Variants in PRKRIP1 observed in about 807,000 individuals in gnomAD.
The protein encoded by PRKRIP1 is PRKR interacting protein 1.
PRKRIP1 carries 29 observed loss-of-function variants against 29.3 expected under a neutral mutation model. The ratio of observed to expected loss-of-function variants is 0.99; its 90% CI spans 0.74 to 1.35. The LOEUF (loss-of-function observed/expected upper bound fraction) is 1.35. Ranked by LOEUF, PRKRIP1 falls within the 40% of genes most tolerant of loss-of-function variation. The probability of loss-of-function intolerance (pLI) is 0.00; values close to 1 mark genes in which losing one functional copy is unlikely to be tolerated. For missense variants in PRKRIP1, 247 were observed against 236.8 expected, an observed-to-expected ratio of 1.04 and a Z score of -0.28; for synonymous variants, 90 against 85.1, an observed-to-expected ratio of 1.06 and a Z score of -0.32.
At chr7:102,424,961 C>T in intron 5 of PRKRIP1, 53 bp from the exon 6 acceptor site, 2 of 1,578,800 alleles carry the variant, frequency 1.3e-6, no homozygotes, top group Non-Finnish European at 8.6e-7. Flanking sequence ...TGAAAGCACC[C>T]TTGACCCTGA....
chr7:102,409,324 G>C (rs1178397878), intron 5 of PRKRIP1, among the ~76,000 whole-genome samples: 1 of 152,162 alleles, frequency 6.6e-6, no homozygotes, highest in Non-Finnish European at 1.5e-5. Flanking sequence ...AAATGTGACT[G>C]ATAGGACCTC....
intron 2 of PRKRIP1, among the ~76,000 whole-genome samples, chr7:102,399,017 G>A (rs1795995248): frequency 6.6e-6 from 1 of 152,168 alleles, no homozygotes; most frequent in South Asian, 2.1e-4. Context: ...AGCTACTTGG[G>A]AAGCTGAGGC....
intron 5 of PRKRIP1, among the ~76,000 whole-genome samples, chr7:102,422,095 C>A (rs1460157740): frequency 6.6e-6 from 1 of 151,088 alleles, no homozygotes; most frequent in African/African-American, 2.4e-5. Flanking sequence ...GAGATAGACG[C>A]CTTTGCTTTC....
At chr7:102,422,034 CAG>C (rs1223170010) in intron 5 of PRKRIP1, among the ~76,000 whole-genome samples, 4 of 152,020 alleles carry the variant, frequency 2.6e-5, no homozygotes, top group African/African-American at 9.7e-5. Context: ...GTAGCAAATT[CAG>C]AGTCAGAAAT....
intron 1 of PRKRIP1, 101 bp from the exon 2 acceptor site, chr7:102,397,519 C>G (rs1586671392): frequency 1.1e-6 from 1 of 948,670 alleles, no homozygotes; most frequent in East Asian, 2.5e-5. Flanking sequence ...GCACTCCAGC[C>G]TGAGGAACAG....
intron 5 of PRKRIP1, among the ~76,000 whole-genome samples, chr7:102,410,766 T>C (rs1192259735): frequency 6.6e-6 from 1 of 152,216 alleles, no homozygotes; most frequent in Non-Finnish European, 1.5e-5. Context: ...GCCCTTACTC[T>C]TCCATTCATC....
At chr7:102,409,759 G>A (rs537803790) in intron 5 of PRKRIP1, among the ~76,000 whole-genome samples, 17 of 152,188 alleles carry the variant, frequency 1.1e-4, no homozygotes, top group African/African-American at 3.9e-4. Flanking sequence ...AGGAGGTCAA[G>A]GCTGCAGTGA....
chr7:102,407,806 G>T (rs2133179664), intron 5 of PRKRIP1, among the ~76,000 whole-genome samples: 1 of 152,262 alleles, frequency 6.6e-6, no homozygotes, highest in Non-Finnish European at 1.5e-5. Flanking sequence ...CCTGTCCTCA[G>T]GCTCACACTC....
At position 102,406,549 on chromosome 7, in the gene PRKRIP1, G is replaced by A. The variant is rs555614314; in HGVS notation, c.393-885G>A. 3.9e-5 allele frequency among the ~76,000 whole-genome samples: 6 copies of A among 152,226 alleles called. 1 individual carries two copies. The South Asian group carries it at 1.2e-3, about 32-fold the overall frequency. ...AATGCTGAATGACTGTAGAATGGTCGATTCTGAGTTCTTTGGCCCCTTCTC... is the reference window on the plus strand; with the variant it reads ...AATGCTGAATGACTGTAGAATGGTCAATTCTGAGTTCTTTGGCCCCTTCTC... On this transcript the variant is annotated intron_variant, in intron 4 of 5. Transcript: ENST00000397912.
At chr7:102,407,984 A>G (rs1188734648) in intron 5 of PRKRIP1, among the ~76,000 whole-genome samples, 4 of 152,214 alleles carry the variant, frequency 2.6e-5, no homozygotes, top group Admixed American at 2.0e-4. Flanking sequence ...TTTGGCTACA[A>G]GCAACAAAAT....
At chr7:102,423,260 G>A (rs543352332) in intron 5 of PRKRIP1, 65 of 416,142 alleles carry the variant, frequency 1.6e-4, no homozygotes, top group South Asian at 1.0e-3. Context: ...GATTACAGGC[G>A]CCCGCCACCA....
At chr7:102,399,198 C>T (rs113416513) in intron 2 of PRKRIP1, among the ~76,000 whole-genome samples, 28 of 152,138 alleles carry the variant, frequency 1.8e-4, no homozygotes, top group Non-Finnish European at 3.2e-4. Context: ...TTGTAAGCAC[C>T]TTTATTTCAT....
At chr7:102,401,195 A>T (rs1225443262) in intron 3 of PRKRIP1, among the ~76,000 whole-genome samples, 2 of 152,184 alleles carry the variant, frequency 1.3e-5, no homozygotes, top group African/African-American at 4.8e-5. Context: ...CTGGGAAGAC[A>T]TAATACAGTG....
At chr7:102,398,528 G>A (rs1463252330) in intron 2 of PRKRIP1, among the ~76,000 whole-genome samples, 3 of 151,886 alleles carry the variant, frequency 2.0e-5, no homozygotes, top group African/African-American at 4.8e-5. Context: ...CAGGTGATCC[G>A]CCCGCCTCAG....
At position 102,399,769 on chromosome 7, in the gene PRKRIP1, G is replaced by C. The variant is rs1586673896; in HGVS notation, c.306+121G>C. The C allele has an allele frequency of 4.3e-6, 3 of 698,104 alleles. No individual in the cohort carries two copies. The East Asian group carries it at 8.4e-5, about 20-fold the overall frequency. 43.2% of individuals were successfully genotyped at this position (698,104 alleles called of 1,614,324 possible). A position where few individuals can be genotyped will look rare whatever the true frequency, so the allele number is the denominator to read the frequency against. ...CTCAGGCCTGTAATCCCAGCACTTT[G>C]GAAGGCCGAGGCAGGGGATCACCTG... On this transcript the variant is annotated intron_variant, in intron 3 of 5. Coordinates refer to ENST00000397912, the MANE Select transcript of PRKRIP1 (RefSeq NM_024653.4).
intron 2 of PRKRIP1, among the ~76,000 whole-genome samples, chr7:102,398,034 G>A (rs193095981): frequency 6.6e-5 from 10 of 151,770 alleles, no homozygotes; most frequent in African/African-American, 1.9e-4. Context: ...GCAACAGAGC[G>A]ACATTCTGTC....
chr7:102,413,037 A>G (rs1166460166), intron 5 of PRKRIP1, among the ~76,000 whole-genome samples: 4 of 152,196 alleles, frequency 2.6e-5, no homozygotes, highest in Non-Finnish European at 5.9e-5. Context: ...ATTTGTTACT[A>G]GGTACATCTA....
chr7:102,402,269 C>G (rs1796093467), intron 3 of PRKRIP1, among the ~76,000 whole-genome samples: 1 of 151,964 alleles, frequency 6.6e-6, no homozygotes, highest in African/African-American at 2.4e-5. Context: ...AAGACCCCAT[C>G]TCTACAAAGA....
chr7:102,423,272 G>A (rs782126648), intron 5 of PRKRIP1: 1 of 409,912 alleles, frequency 2.4e-6, no homozygotes, highest in Non-Finnish European at 4.9e-6. Flanking sequence ...CCGCCACCAC[G>A]CCTGGCTAAT....
Sources: gnomAD v4.1 joint callset for allele counts (sites outside exome capture counted in the v4.1 genomes callset) on GRCh38, gnomAD v4.1.1 for gene constraint, MANE v1.5 for transcripts, NCBI Gene and HGNC (gene_info 2026-07-23, HGNC 2026-07-21) for gene names.